Variants in FRZB observed in about 807,000 individuals in gnomAD.
The protein encoded by FRZB is secreted frizzled-related protein 3.
Under a neutral mutation model 32.5 loss-of-function variants are expected in FRZB, and 34 were observed. The observed-to-expected ratio is 1.05, with a 90% CI of 0.80 to 1.39. The LOEUF is 1.39. Ranked by LOEUF, FRZB falls within the 40% of genes most tolerant of loss-of-function variation. The probability of loss-of-function intolerance (pLI) is 0.00; values close to 1 mark genes in which losing one functional copy is unlikely to be tolerated. For missense variants in FRZB, 423 were observed against 424.8 expected (o/e 1.00, Z 0.04); for synonymous variants, 170 against 159.2 (o/e 1.07, Z -0.51).
chr2:182,842,035 G>C lies in FRZB; in HGVS notation c.592+443C>G, dbSNP rs1695591441. Among the ~76,000 whole-genome samples, 3 of 152,152 alleles carry C rather than the reference G, an allele frequency of 2.0e-5. No homozygotes were observed. In the South Asian group the frequency reaches 6.2e-4, roughly 31 times the overall value. ...AGTGTTACTTTCCAAATCTGTCAGTGTTTTTCATGGGATAGACTGACTGAA... is the reference window on the plus strand; with the variant it reads ...AGTGTTACTTTCCAAATCTGTCAGTCTTTTTCATGGGATAGACTGACTGAA... On this transcript the variant is annotated intron_variant, in intron 3 of 5. Transcript: ENST00000295113.
chr2:182,849,441 A>G (rs575031526), intron 2 of FRZB, among the ~76,000 whole-genome samples: 17 of 152,230 alleles, frequency 1.1e-4, no homozygotes, highest in African/African-American at 3.1e-4. Context: ...TTTTTTATAA[A>G]AGGAAGTGTG....
In FRZB at chr2:182,838,477, G is replaced by C; in HGVS notation, c.729C>G (p.Cys243Trp). Residue 243 changes from cysteine (C) to tryptophan (W), a missense_variant, in exon 4 of 6, where the codon TGC becomes TGG. Physicochemically the swap from Cys to Trp is radical, Grantham distance 215. Coordinates refer to ENST00000295113, the MANE Select transcript of FRZB (RefSeq NM_001463.4). Reference protein sequence around the residue: ...DTVNLYTSSGCLCPPLNVNEE... With the variant: ...DTVNLYTSSGWLCPPLNVNEE... ...CATTAACATTAAGTGGAGGGCAGAG[G>C]CAGCCAGAGCTGGTATAGAGGTTGA... 6.2e-7 allele frequency: 1 copy of C among 1,612,978 alleles called. No individual in the cohort carries two copies. The highest frequency in any genetic ancestry group is 8.5e-7 in the Non-Finnish European group (1 of 1,179,250).
rs1022282384 is a variant in FRZB at position 182,866,573 on chromosome 2, G to T, written c.-21C>A. 4 of 1,422,262 alleles carry T rather than the reference G, an allele frequency of 2.8e-6. No individual in the cohort carries two copies. Among genetic ancestry groups the T allele is most frequent in the Non-Finnish European group, 3.7e-6 (4 of 1,088,250 alleles). 88.1% of individuals were successfully genotyped at this position (1,422,262 alleles called of 1,614,324 possible). Reference sequence around the variant, plus strand: ...ACCATGATCCCGGCAGGATGGGGCAGGGTGCAGCCGCGCAGTGGACGCCAA... The same window carrying T: ...ACCATGATCCCGGCAGGATGGGGCATGGTGCAGCCGCGCAGTGGACGCCAA... On this transcript the variant is annotated 5_prime_UTR_variant, in exon 1 of 6. It adds an upstream start codon to the 5' untranslated region. Transcript: ENST00000295113. The surrounding 1 kb of genome is among the most constrained non-coding windows in gnomAD (Gnocchi z 4.5).
intron 2 of FRZB, among the ~76,000 whole-genome samples, chr2:182,858,004 T>C (rs1020201293): frequency 6.6e-6 from 1 of 152,168 alleles, no homozygotes; most frequent in African/African-American, 2.4e-5. Flanking sequence ...ATATTGATAA[T>C]ACCAAGGGCT....
intron 5 of FRZB, among the ~76,000 whole-genome samples, chr2:182,836,856 T>A (rs2105751117): frequency 6.6e-6 from 1 of 152,112 alleles, no homozygotes; most frequent in Non-Finnish European, 1.5e-5. Context: ...TTGACAAATC[T>A]ACTAAAGGGG....
At chr2:182,857,539 C>T (rs2105762577) in intron 2 of FRZB, among the ~76,000 whole-genome samples, 1 of 151,516 alleles carries the variant, frequency 6.6e-6, no homozygotes, top group Non-Finnish European at 1.5e-5. Flanking sequence ...ATTGCTTGAA[C>T]CCAGGAAGTG....
chr2:182,854,411 T>G lies in FRZB; in HGVS notation c.526+4375A>C, dbSNP rs1044901910. 6.0e-4 allele frequency among the ~76,000 whole-genome samples: 92 copies of G among 152,266 alleles called. 1 individual carries two copies. Among genetic ancestry groups the G allele is most frequent in the African/African-American group, 2.1e-3 (86 of 41,566 alleles). On this transcript the variant is annotated intron_variant, in intron 2 of 5. Transcript: ENST00000295113. The stretch of plus-strand genomic sequence containing the variant: ...CGTAATACAAGCATAACAGGAAGAC[T>G]GGGGGGAGAAAATAATACCATAAAA...
chr2:182,834,739 T>C lies in FRZB; in HGVS notation c.*110A>G. The C allele has an allele frequency of 2.6e-6, 2 of 782,580 alleles. No individual in the cohort carries two copies. Among genetic ancestry groups the C allele is most frequent in the Non-Finnish European group, 4.6e-6 (2 of 436,894 alleles). 48.5% of individuals were successfully genotyped at this position (782,580 alleles called of 1,614,324 possible). On this transcript the variant is annotated 3_prime_UTR_variant, in exon 6 of 6. Transcript: ENST00000295113. Reference sequence around the variant, plus strand: ...ATAATCAGTTATCACATGATTTTTATAGTAAACAATAGAATATGATGTGCA... The same window carrying C: ...ATAATCAGTTATCACATGATTTTTACAGTAAACAATAGAATATGATGTGCA...
intron 2 of FRZB, among the ~76,000 whole-genome samples, chr2:182,848,179 C>T (rs1425674957): frequency 6.6e-6 from 1 of 151,982 alleles, no homozygotes; most frequent in African/African-American, 2.4e-5. Flanking sequence ...ACAATGCTGG[C>T]ACCACTGCTA....
chr2:182,850,131 A>T (rs1695693652), intron 2 of FRZB, among the ~76,000 whole-genome samples: 1 of 151,948 alleles, frequency 6.6e-6, no homozygotes, highest in African/African-American at 2.4e-5. Flanking sequence ...AGATGGACAT[A>T]TTTTCAGAGT....
intron 4 of FRZB, 78 bp from the exon 5 acceptor site, chr2:182,838,089 C>T: frequency 1.8e-6 from 2 of 1,094,912 alleles, no homozygotes; most frequent in Admixed American, 1.9e-5. Flanking sequence ...AGTACTTGAA[C>T]AAGAAAGACT....
chr2:182,866,340 C>G lies in FRZB; in HGVS notation c.213G>C (p.Gln71His). The change falls in exon 1 of 6, where the codon CAG becomes CAC. Residue 71 changes from glutamine to histidine, a missense_variant. By Grantham distance (24) the Gln-to-His change is conservative. Transcript: ENST00000295113. The surrounding 1 kb of genome is among the most constrained non-coding windows in gnomAD (Gnocchi z 4.5). ...AGTGGGTGCCCAGCAGACCTTCGAA[C>G]TGCTCGATGGCCAGGATGGCGTTGG... ...TQANAILAIE[Q>H]FEGLLGTHCS... 1 of 1,614,222 alleles carries G rather than the reference C, an allele frequency of 6.2e-7. No individual in the cohort carries two copies. The highest frequency in any genetic ancestry group is 8.5e-7 in the Non-Finnish European group (1 of 1,180,016).
chr2:182,837,887 C>A (rs1695544746), intron 5 of FRZB, 61 bp downstream of exon 5: 2 of 1,299,152 alleles, frequency 1.5e-6, no homozygotes, highest in African/African-American at 2.9e-5. Context: ...TGACAGATGG[C>A]TGGTTTTCTA....
chr2:182,850,668 A>G (rs1695700220), intron 2 of FRZB, among the ~76,000 whole-genome samples: 1 of 152,222 alleles, frequency 6.6e-6, no homozygotes, highest in Non-Finnish European at 1.5e-5. Context: ...GGCTATTGTG[A>G]ATAGCACTGC....
intron 2 of FRZB, among the ~76,000 whole-genome samples, chr2:182,851,807 T>C (rs1234614867): frequency 6.6e-6 from 1 of 152,148 alleles, no homozygotes; most frequent in Non-Finnish European, 1.5e-5. Flanking sequence ...ATAAAAATGA[T>C]AATTCAGCCT....
rs1394315890 is a variant in FRZB at position 182,866,161 on chromosome 2, G to A, written c.392C>T (p.Pro131Leu). 2.5e-6 allele frequency: 4 copies of A among 1,613,980 alleles called. No homozygotes were observed. The highest frequency in any genetic ancestry group is 2.7e-5 in the African/African-American group (2 of 74,914). The change falls in exon 1 of 6, where the codon CCG (proline) becomes CTG (leucine). Residue 131 changes from proline (P) to leucine (L), a missense_variant. Pro to Leu is a moderately conservative substitution (Grantham distance 98). Transcript: ENST00000295113. The surrounding 1 kb of genome is among the most constrained non-coding windows in gnomAD (Gnocchi z 4.5). The part of the protein sequence containing the change: ...PILIKYRHSW[P>L]ENLACEELPV... ...CAGCTCCTCGCAGGCCAGGTTCTCC[G>A]GCCACGAGTGGCGGTACTTGATGAG... is the stretch of plus-strand genomic sequence containing the variant.
intron 2 of FRZB, among the ~76,000 whole-genome samples, chr2:182,852,620 G>A (rs1178070598): frequency 1.3e-5 from 2 of 152,018 alleles, no homozygotes; most frequent in Non-Finnish European, 2.9e-5. Context: ...CAGAAAATTG[G>A]AAGAATTACT....
chr2:182,840,106 G>A (rs967079192), intron 3 of FRZB, among the ~76,000 whole-genome samples: 6 of 152,058 alleles, frequency 3.9e-5, no homozygotes, highest in African/African-American at 7.2e-5. Flanking sequence ...GTATGAGAAC[G>A]TGTAGCAAAC....
intron 2 of FRZB, among the ~76,000 whole-genome samples, chr2:182,854,465 T>C (rs561126452): frequency 6.6e-6 from 1 of 152,322 alleles, no homozygotes; most frequent in East Asian, 1.9e-4. Context: ...TTTTTCCCTC[T>C]GGTATCCACC....
Sources: gnomAD v4.1 joint callset for allele counts (sites outside exome capture counted in the v4.1 genomes callset) on GRCh38, gnomAD v4.1.1 for gene constraint, Gnocchi (gnomAD v3.1) non-coding constraint, MANE v1.5 for transcripts, NCBI Gene and HGNC (gene_info 2026-07-23, HGNC 2026-07-21) for gene names.